KDM4C: variants seen among roughly 807,000 people sequenced by gnomAD.
KDM4C encodes the protein lysine-specific demethylase 4C.
Under a neutral mutation model 129.3 loss-of-function variants are expected in KDM4C, and 81 were observed. That is an observed-to-expected ratio of 0.63 (90% CI 0.52 to 0.75). The LOEUF is 0.75. KDM4C is among the 30% of genes least tolerant of loss of function. The pLI, the probability that KDM4C is intolerant of heterozygous loss-of-function variation, is 0.00. For missense variants in KDM4C, 1,457 were observed against 1,304.0 expected (o/e 1.12, Z -1.81); for synonymous variants, 573 against 456.1 (o/e 1.26, Z -3.26).
chr9:6,823,304 T>C (rs1833344279), intron 4 of KDM4C, among the ~76,000 whole-genome samples: 1 of 152,176 alleles, frequency 6.6e-6, no homozygotes, highest in Non-Finnish European at 1.5e-5. Context: ...GGAACCAATG[T>C]TTTGCACCAA....
chr9:6,919,528 CATCT>C (rs1331586129), intron 8 of KDM4C, among the ~76,000 whole-genome samples: 1 of 83,346 alleles, frequency 1.2e-5, no homozygotes, highest in Non-Finnish European at 2.8e-5. Context: ...CTTTCAATTT[CATCT>C]GTCTGTCTGT....
chr9:6,737,188 C>T (rs1390140780), intron 1 of KDM4C, among the ~76,000 whole-genome samples: 2 of 151,464 alleles, frequency 1.3e-5, no homozygotes, highest in Non-Finnish European at 1.5e-5. Context: ...CAAACGGGAC[C>T]TAATTAAAGT....
chr9:6,835,280 C>T, intron 4 of KDM4C: 1 of 907,090 alleles, frequency 1.1e-6, no homozygotes, highest in Non-Finnish European at 1.9e-6. Flanking sequence ...ATCCATGAAA[C>T]TACCTTGAAC....
intron 8 of KDM4C, among the ~76,000 whole-genome samples, chr9:6,911,227 GA>G (rs1189528555): frequency 1.3e-5 from 2 of 151,816 alleles, no homozygotes; most frequent in African/African-American, 2.4e-5. Flanking sequence ...GAGGATGAGG[GA>G]AAAAAACCTC....
intron 12 of KDM4C, among the ~76,000 whole-genome samples, chr9:7,001,192 C>T (rs976208091): frequency 1.3e-5 from 2 of 152,074 alleles, no homozygotes; most frequent in Admixed American, 6.5e-5. Context: ...GTCAAGTGAA[C>T]CTATAAATTC....
intron 1 of KDM4C, among the ~76,000 whole-genome samples, chr9:6,735,619 G>T (rs1817503643): frequency 6.6e-6 from 1 of 152,194 alleles, no homozygotes; most frequent in Non-Finnish European, 1.5e-5. Context: ...CCATCCATGT[G>T]AGACGTGCCT....
At chr9:6,997,454 A>G (rs1209003350) in intron 12 of KDM4C, among the ~76,000 whole-genome samples, 1 of 152,360 alleles carries the variant, frequency 6.6e-6, no homozygotes, top group East Asian at 1.9e-4. Context: ...GTGAAGGGCA[A>G]TATGATAGAA....
At chr9:6,813,570 A>G (rs1831554109) in intron 3 of KDM4C, among the ~76,000 whole-genome samples, 1 of 152,158 alleles carries the variant, frequency 6.6e-6, no homozygotes, top group African/African-American at 2.4e-5. Flanking sequence ...TAGGGATTCT[A>G]CTACTGCTAA....
chr9:7,112,496 T>C (rs967396790), intron 18 of KDM4C, among the ~76,000 whole-genome samples: 2 of 152,150 alleles, frequency 1.3e-5, no homozygotes, highest in Non-Finnish European at 2.9e-5. Flanking sequence ...GGTGGAATTA[T>C]AGGCCTTGGT....
At chr9:6,975,046 T>C (rs1231634435) in intron 8 of KDM4C, 2 of 152,220 alleles carry the variant, frequency 1.3e-5, no homozygotes, top group African/African-American at 4.8e-5. Flanking sequence ...ATAGTTTTTC[T>C]TTGTCTATTT....
At chr9:6,867,017 ATTTTTT>A (rs139668753) in intron 5 of KDM4C, among the ~76,000 whole-genome samples, 11,869 of 83,536 alleles carry the variant, frequency 0.14, 604 homozygotes, top group East Asian at 0.19. Flanking sequence ...ATATATATAT[ATTTTTT>A]TTTTTTTTTG....
At chr9:6,930,310 G>C (rs889271849) in intron 8 of KDM4C, among the ~76,000 whole-genome samples, 1 of 152,044 alleles carries the variant, frequency 6.6e-6, no homozygotes, top group Non-Finnish European at 1.5e-5. Context: ...TCACTGACTT[G>C]TCAACATGAG....
At chr9:6,868,779 G>A (rs960017452) in intron 5 of KDM4C, among the ~76,000 whole-genome samples, 3 of 151,204 alleles carry the variant, frequency 2.0e-5, no homozygotes, top group Admixed American at 6.6e-5. Context: ...TAGAAAAGTC[G>A]CTTTACTACT....
intron 6 of KDM4C, among the ~76,000 whole-genome samples, 178 bp downstream of exon 6, chr9:6,880,239 G>T (rs923484487): frequency 1.1e-4 from 16 of 151,606 alleles, no homozygotes; most frequent in Middle Eastern, 3.4e-3. Flanking sequence ...TTTCACCTTA[G>T]TTTGTGAATA....
chr9:6,985,106 C>T (rs554772035), intron 10 of KDM4C, among the ~76,000 whole-genome samples: 24 of 152,222 alleles, frequency 1.6e-4, no homozygotes, highest in Non-Finnish European at 1.8e-4. Context: ...CCTCCTCACT[C>T]ATGGCACCAT....
chr9:6,828,809 T>C (rs1203349077), intron 4 of KDM4C, among the ~76,000 whole-genome samples: 1 of 152,068 alleles, frequency 6.6e-6, no homozygotes, highest in Non-Finnish European at 1.5e-5. Context: ...AGGTAGAGGT[T>C]GGCATGAGCC....
At chr9:6,971,240 TG>T (rs1831932957) in intron 8 of KDM4C, among the ~76,000 whole-genome samples, 1 of 152,142 alleles carries the variant, frequency 6.6e-6, no homozygotes, top group Non-Finnish European at 1.5e-5. Context: ...GAAATATGGA[TG>T]GATAGTTGGA....
At chr9:6,793,813 G>T (rs1827224605) in intron 2 of KDM4C, among the ~76,000 whole-genome samples, 1 of 151,886 alleles carries the variant, frequency 6.6e-6, no homozygotes, top group Non-Finnish European at 1.5e-5. Context: ...AAAGTGCGGG[G>T]ATTAAAGGCG....
intron 1 of KDM4C, among the ~76,000 whole-genome samples, chr9:6,772,897 T>A (rs1167227245): frequency 6.7e-6 from 1 of 149,760 alleles, no homozygotes; most frequent in Non-Finnish European, 1.5e-5. Context: ...GGTTTCACCA[T>A]GTTGGCCAGG....
Sources: allele counts gnomAD v4.1 joint callset (sites outside exome capture counted in the v4.1 genomes callset), GRCh38; gene constraint gnomAD v4.1.1; transcripts MANE v1.5; gene names NCBI Gene and HGNC (gene_info 2026-07-23, HGNC 2026-07-21).